CPEB3: variants seen among roughly 807,000 people sequenced by gnomAD.
CPEB3 encodes the protein cytoplasmic polyadenylation element-binding protein 3.
In CPEB3, 20 loss-of-function variants were observed where a neutral mutation model predicts 67.2. That is an observed-to-expected ratio of 0.30 (90% CI 0.21 to 0.43). CPEB3 has a LOEUF of 0.43. CPEB3 is among the 20% of genes least tolerant of loss of function. The pLI is 1.00. For synonymous variants in CPEB3, 376 were observed against 393.1 expected (o/e 0.96, Z 0.51); for missense variants, 746 against 968.6 (o/e 0.77, Z 3.05).
At chr10:92,204,564 C>G (rs781115179) in intron 2 of CPEB3, among the ~76,000 whole-genome samples, 7 of 152,146 alleles carry the variant, frequency 4.6e-5, no homozygotes, top group Non-Finnish European at 1.0e-4. Flanking sequence ...AACAGGGAAC[C>G]TGGTAAGTAC....
At chr10:92,112,288 G>A (rs1479039466) in intron 6 of CPEB3, among the ~76,000 whole-genome samples, 1 of 151,922 alleles carries the variant, frequency 6.6e-6, no homozygotes, top group Admixed American at 6.6e-5. Flanking sequence ...GGGATTACAG[G>A]CGCCCGCCAC....
chr10:92,166,394 C>T (rs1340247017), intron 4 of CPEB3, among the ~76,000 whole-genome samples: 1 of 152,164 alleles, frequency 6.6e-6, no homozygotes, highest in Non-Finnish European at 1.5e-5. Context: ...CAGGCATGAG[C>T]CACCACACCT....
intron 1 of CPEB3, among the ~76,000 whole-genome samples, chr10:92,264,837 T>G (rs538593144): frequency 3.7e-4 from 57 of 152,150 alleles, no homozygotes; most frequent in Non-Finnish European, 7.6e-4. Flanking sequence ...CGACGATCAC[T>G]GAGACCAGGT....
At chr10:92,273,782 A>G (rs924581162) in intron 1 of CPEB3, among the ~76,000 whole-genome samples, 1 of 152,188 alleles carries the variant, frequency 6.6e-6, no homozygotes, top group Admixed American at 6.5e-5. Flanking sequence ...TGGAGCTATC[A>G]TGCCTAGGTG....
chr10:92,249,993 G>A (rs988833861), intron 1 of CPEB3, among the ~76,000 whole-genome samples: 2 of 150,672 alleles, frequency 1.3e-5, no homozygotes, highest in African/African-American at 4.9e-5. Flanking sequence ...CTGCACTCCA[G>A]CCTGGACAAC....
chr10:92,239,804 G>T lies in CPEB3; in HGVS notation c.547C>A (p.Gln183Lys). 1 of 1,428,288 alleles carries T rather than the reference G, an allele frequency of 7.0e-7. No homozygotes were observed. Among genetic ancestry groups the T allele is most frequent in the Non-Finnish European group, 9.1e-7 (1 of 1,096,186 alleles). 88.5% of individuals were successfully genotyped at this position (1,428,288 alleles called of 1,614,324 possible). A position where few individuals can be genotyped will look rare whatever the true frequency, so the allele number is the denominator to read the frequency against. ...CGGCGCTGCTGCGGGGGCTGCGCCTGTGGTGGCTGCGCTGGCTGTGCCGGC... is the reference window on the plus strand; with the variant it reads ...CGGCGCTGCTGCGGGGGCTGCGCCTTTGGTGGCTGCGCTGGCTGTGCCGGC... ...PQPAQPAQPP[Q>K]AQPPQQRRSP... is the part of the protein sequence containing the mutation. Residue 183 changes from glutamine (Q) to lysine (K), a missense_variant, in exon 2 of 10, where the codon CAG becomes AAG. Gln to Lys is a moderately conservative substitution (Grantham distance 53). Transcript: ENST00000265997. This position sits in a 1 kb window ranked among gnomAD's most constrained non-coding sequence, Gnocchi z 6.0.
chr10:92,185,471 T>C (rs1484667949), intron 3 of CPEB3, among the ~76,000 whole-genome samples: 3 of 152,042 alleles, frequency 2.0e-5, no homozygotes, highest in Non-Finnish European at 4.4e-5. Flanking sequence ...TTTAAAACAC[T>C]AGTTATAAAA....
At chr10:92,068,646 T>C (rs925183575) in intron 9 of CPEB3, among the ~76,000 whole-genome samples, 2 of 152,152 alleles carry the variant, frequency 1.3e-5, no homozygotes, top group African/African-American at 4.8e-5. Flanking sequence ...AGATGAATAT[T>C]TAAATCACTG....
intron 6 of CPEB3, among the ~76,000 whole-genome samples, chr10:92,128,556 C>G (rs181692843): frequency 2.6e-5 from 4 of 152,110 alleles, no homozygotes; most frequent in Non-Finnish European, 5.9e-5. Flanking sequence ...AAAGAGTGAA[C>G]AGACAACCTA....
intron 2 of CPEB3, among the ~76,000 whole-genome samples, chr10:92,192,936 T>C (rs1485603319): frequency 2.6e-5 from 4 of 152,122 alleles, no homozygotes; most frequent in Non-Finnish European, 4.4e-5. Context: ...TCATTAAGAA[T>C]AATGACTTGT....
chr10:92,280,796 G>A lies in CPEB3; in HGVS notation c.-12+10130C>T, dbSNP rs534475885. On this transcript the variant is annotated intron_variant, in intron 1 of 9. Coordinates refer to ENST00000265997, the MANE Select transcript of CPEB3 (RefSeq NM_014912.5). ...TTTTTGGAGACGGAGTTTTGCTCTC[G>A]TCGCCCAGGCTGGAGTACAGTGGCG... Among the ~76,000 whole-genome samples, 278 of 115,612 alleles carry A rather than the reference G, an allele frequency of 2.4e-3. 2 individuals carry two copies. The highest frequency in any genetic ancestry group is 0.01 in the Middle Eastern group (1 of 96). 75.8% of individuals were successfully genotyped at this position (115,612 alleles called of 152,430 possible).
intron 8 of CPEB3, 131 bp from the exon 9 acceptor site, chr10:92,081,632 G>C (rs1329513046): frequency 3.8e-6 from 3 of 783,392 alleles, no homozygotes; most frequent in Non-Finnish European, 6.0e-6. Flanking sequence ...GTATCATGAA[G>C]AATGTCCACA....
intron 4 of CPEB3, among the ~76,000 whole-genome samples, chr10:92,156,479 G>T (rs965029899): frequency 6.6e-6 from 1 of 152,020 alleles, no homozygotes; most frequent in East Asian, 1.9e-4. Flanking sequence ...GAAGGACAAG[G>T]CCTGAGAAAA....
At chr10:92,164,579 G>A (rs1237155022) in intron 4 of CPEB3, among the ~76,000 whole-genome samples, 1 of 151,996 alleles carries the variant, frequency 6.6e-6, no homozygotes, top group Non-Finnish European at 1.5e-5. Flanking sequence ...CCTTCACTTA[G>A]CATGTTTTTG....
intron 1 of CPEB3, among the ~76,000 whole-genome samples, chr10:92,256,284 T>C (rs1481043688): frequency 6.6e-6 from 1 of 152,170 alleles, no homozygotes; most frequent in East Asian, 1.9e-4. Flanking sequence ...GTGGCCTCCA[T>C]ACTAAATCCT....
chr10:92,047,251 G>C lies in CPEB3; in HGVS notation c.*4961C>G, dbSNP rs565347525. The C allele has an allele frequency of 1.4e-5, 2 of 144,390 alleles. No individual in the cohort carries two copies. The highest frequency in any genetic ancestry group is 4.3e-4 in the East Asian group (2 of 4,642). 8.9% of individuals were successfully genotyped at this position (144,390 alleles called of 1,614,324 possible). ...TATTGCAGCTGAGATAGAGAAGTTT[G>C]GTTATTATAAAAGAAAAAAAAAAAC... On this transcript the variant is annotated 3_prime_UTR_variant, in exon 10 of 10. Transcript: ENST00000265997.
chr10:92,067,213 A>C (rs993461278), intron 9 of CPEB3, among the ~76,000 whole-genome samples: 1 of 152,144 alleles, frequency 6.6e-6, no homozygotes, highest in Non-Finnish European at 1.5e-5. Context: ...AGAAAATTAA[A>C]GTGGTGGCCA....
rs1298232679 is a variant in CPEB3, at chr10:92,203,528, A to AT, written c.1006-10893dup. Among the ~76,000 whole-genome samples the AT allele has an allele frequency of 7.1e-3, 666 of 93,862 alleles. 3 individuals are homozygous for AT. Among genetic ancestry groups the AT allele is most frequent in the East Asian group, 0.024 (103 of 4,300 alleles). The allele number at this position is 93,862 out of a possible 152,430, so 61.6% of individuals were successfully genotyped here. ...TGTGTGTATATATATATATATATATATTTTTTTTTTAGAGGTGTAGCTGGG... is the reference window on the plus strand; with the variant it reads ...TGTGTGTATATATATATATATATATATTTTTTTTTTTAGAGGTGTAGCTGGG... On this transcript the variant is annotated intron_variant, in intron 2 of 9. Coordinates refer to ENST00000265997, the MANE Select transcript of CPEB3 (RefSeq NM_014912.5).
intron 9 of CPEB3, among the ~76,000 whole-genome samples, chr10:92,054,378 G>A (rs1842033831): frequency 6.6e-6 from 1 of 151,724 alleles, no homozygotes; most frequent in African/African-American, 2.4e-5. Flanking sequence ...ACATTTAAAA[G>A]ACTGATAACT....
Sources: gnomAD v4.1 joint callset for allele counts (sites outside exome capture counted in the v4.1 genomes callset) on GRCh38, gnomAD v4.1.1 for gene constraint, Gnocchi (gnomAD v3.1) non-coding constraint, MANE v1.5 for transcripts, NCBI Gene and HGNC (gene_info 2026-07-23, HGNC 2026-07-21) for gene names.